The following ZNF91 variants were observed in gnomAD, a reference collection of about 807,000 sequenced individuals.
ZNF91 encodes the protein zinc finger protein 91 (HPF7, HTF10).
A neutral mutation model predicts 12.6 loss-of-function variants in ZNF91; 7 were observed. That is an observed-to-expected ratio of 0.55 (90% CI 0.31 to 1.04). The LOEUF (loss-of-function observed/expected upper bound fraction) is 1.04. Ranked by LOEUF, ZNF91 falls within the 50% of genes least tolerant of loss-of-function variation. The probability of loss-of-function intolerance (pLI) is 0.05; values close to 1 mark genes in which losing one functional copy is unlikely to be tolerated. For missense variants in ZNF91, 1,217 were observed against 1,385.4 expected, an observed-to-expected ratio of 0.88 and a Z score of 1.93; for synonymous variants, 453 against 462.6, an observed-to-expected ratio of 0.98 and a Z score of 0.27.
At chr19:23,318,581 G>T (rs571485772) in intron 1 of ZNF91, among the ~76,000 whole-genome samples, 70 of 152,238 alleles carry the variant, frequency 4.6e-4, no homozygotes, top group Non-Finnish European at 9.3e-4. Flanking sequence ...CTGCCCACAG[G>T]GGGCATTGTG....
At position 23,360,099 on chromosome 19, in the gene ZNF91, A is replaced by G. The variant is rs374370493; in HGVS notation, c.2880T>C (p.His960=). 7.4e-6 allele frequency: 12 copies of G among 1,612,720 alleles called. No individual in the cohort carries two copies. The highest frequency in any genetic ancestry group is 1.3e-5 in the African/African-American group (1 of 74,668). The change falls in exon 4 of 4, where the codon CAT becomes CAC. Residue 960 remains histidine, a synonymous_variant. Coordinates refer to ENST00000300619, the MANE Select transcript of ZNF91 (RefSeq NM_003430.4). The stretch of plus-strand genomic sequence containing the variant: ...CACATTTGTAGGGTTTCTCTCCAGT[A>G]TGAATTATCTTATGTGTAGTAAGGG... ...SSTLTTHKII[H]TGEKPYKCEE...
In ZNF91 at chr19:23,359,085, GA is replaced by G. The variant is rs945307268; in HGVS notation, c.*317del. 2.7e-5 allele frequency: 15 copies of G among 557,186 alleles called. No homozygotes were observed. The highest frequency in any genetic ancestry group is 1.5e-4 in the African/African-American group (8 of 52,644). The allele number at this position is 557,186 out of a possible 1,614,324, so 34.5% of individuals were successfully genotyped here. Reference sequence around the variant, plus strand: ...TATGTCTGGTTAGGGCTGAGGACCAGAAAAAGGATTTGCCACATTCTTCACA... The same window carrying G: ...TATGTCTGGTTAGGGCTGAGGACCAGAAAAGGATTTGCCACATTCTTCACA... On this transcript the variant is annotated 3_prime_UTR_variant, in exon 4 of 4. Coordinates refer to ENST00000300619, the MANE Select transcript of ZNF91 (RefSeq NM_003430.4).
intron 3 of ZNF91, among the ~76,000 whole-genome samples, chr19:23,363,941 A>T (rs1480248153): frequency 6.6e-6 from 1 of 152,204 alleles, no homozygotes; most frequent in Non-Finnish European, 1.5e-5. Context: ...TCACAGAAAG[A>T]TATTTATAAC....
In ZNF91 at chr19:23,351,830, C is replaced by G. The variant is rs534428949; in HGVS notation, c.254-12776G>C. On this transcript the variant is annotated intron_variant, in intron 3 of 3. Coordinates refer to the ZNF91 transcript ENST00000599743. Reference sequence around the variant, plus strand: ...CAACTGCAGAAATGGGAAAGGGAGACCCTCCTCTCCTGAACACACACCCCC... The same window carrying G: ...CAACTGCAGAAATGGGAAAGGGAGAGCCTCCTCTCCTGAACACACACCCCC... Among the ~76,000 whole-genome samples the G allele has an allele frequency of 2.0e-5, 3 of 152,218 alleles. No homozygotes were observed. The East Asian group carries it at 5.8e-4, about 29-fold the overall frequency.
intron 1 of ZNF91, chr19:23,380,260 C>T (rs1969656585): frequency 1.6e-5 from 1 of 62,284 alleles, no homozygotes; most frequent in African/African-American, 6.5e-5. Flanking sequence ...GGGGGAAAAT[C>T]CGTCTCAAAA....
At chr19:23,392,253 G>A (rs1044723186) in intron 1 of ZNF91, among the ~76,000 whole-genome samples, 1 of 151,666 alleles carries the variant, frequency 6.6e-6, no homozygotes, top group African/African-American at 2.4e-5. Flanking sequence ...CAAATTAGCC[G>A]GGCGTTGTGG....
intron 3 of ZNF91, among the ~76,000 whole-genome samples, chr19:23,369,144 T>A (rs1394313003): frequency 6.6e-6 from 1 of 152,080 alleles, no homozygotes; most frequent in Non-Finnish European, 1.5e-5. Context: ...ACCCTGTCTC[T>A]ACTAAAAATA....
At chr19:23,364,905 T>A (rs1568388824) in intron 3 of ZNF91, among the ~76,000 whole-genome samples, 1 of 149,698 alleles carries the variant, frequency 6.7e-6, no homozygotes, top group East Asian at 2.0e-4. Flanking sequence ...TGTCTTAAAT[T>A]GCATAAAGTT....
At chr19:23,339,178 G>A (rs976777971) in intron 3 of ZNF91, 1 of 151,842 alleles carries the variant, frequency 6.6e-6, no homozygotes, top group African/African-American at 2.4e-5. Context: ...AAATGGGGGG[G>A]AATATATTAA....
chr19:23,384,047 T>A (rs980928878), intron 1 of ZNF91, among the ~76,000 whole-genome samples: 1 of 152,010 alleles, frequency 6.6e-6, no homozygotes, highest in East Asian at 1.9e-4. Context: ...GAGGCAGAGG[T>A]TGCAGTTAGC....
rs367873073 is a variant in ZNF91, at chr19:23,362,728, G to GAAA, written c.254-6_254-4dup. 1.0e-5 allele frequency: 12 copies of GAAA among 1,176,036 alleles called. No individual in the cohort carries two copies. The African/African-American group carries it at 1.4e-4, about 14-fold the overall frequency. The allele number at this position is 1,176,036 out of a possible 1,614,324, so 72.9% of individuals were successfully genotyped here. A position where few individuals can be genotyped will look rare whatever the true frequency, so the allele number is the denominator to read the frequency against. On this transcript the variant is annotated splice_region_variant and splice_polypyrimidine_tract_variant and intron_variant, in intron 3 of 3. Transcript: ENST00000300619. ...TTGAGGAAAATGAGGACATATACCT[G>GAAA]AAAAAAAAAAACTAAAAATAATAAA... is the stretch of plus-strand genomic sequence containing the variant.
chr19:23,375,081 GTA>G (rs1969457219), intron 1 of ZNF91, among the ~76,000 whole-genome samples: 1 of 151,802 alleles, frequency 6.6e-6, no homozygotes, highest in South Asian at 2.1e-4. Context: ...AATGACTTGT[GTA>G]TTTTTTTCAG....
chr19:23,372,023 T>C (rs1472776851), intron 3 of ZNF91, among the ~76,000 whole-genome samples: 2 of 123,140 alleles, frequency 1.6e-5, no homozygotes, highest in Non-Finnish European at 3.3e-5. Context: ...GAATACATTA[T>C]GTTATTATTT....
At chr19:23,322,552 T>C (rs1414517997) in intron 1 of ZNF91, among the ~76,000 whole-genome samples, 1 of 152,148 alleles carries the variant, frequency 6.6e-6, no homozygotes, top group African/African-American at 2.4e-5. Context: ...ATAATCTGGA[T>C]TTTTTATCTG....
At chr19:23,313,103 C>T (rs1389741430), upstream of ZNF91, among the ~76,000 whole-genome samples, 3 of 152,146 alleles carry the variant, frequency 2.0e-5, no homozygotes, top group Non-Finnish European at 2.9e-5. Context: ...GTACTTAGAC[C>T]CAACATATAT....
At chr19:23,340,673 GGTCA>G (rs1305194737) in intron 3 of ZNF91, among the ~76,000 whole-genome samples, 6 of 151,604 alleles carry the variant, frequency 4.0e-5, no homozygotes, top group African/African-American at 1.5e-4. Flanking sequence ...GTCACTCAGA[GGTCA>G]GTATCACCCT....
intron 3 of ZNF91, among the ~76,000 whole-genome samples, chr19:23,372,848 A>G (rs1354558869): frequency 1.3e-5 from 2 of 152,182 alleles, no homozygotes; most frequent in African/African-American, 4.8e-5. Flanking sequence ...CCTCTCTTGT[A>G]CTAGATGAAA....
upstream of ZNF91, among the ~76,000 whole-genome samples, chr19:23,314,836 C>G (rs1429933366): frequency 6.6e-6 from 1 of 152,200 alleles, no homozygotes; most frequent in Non-Finnish European, 1.5e-5. Flanking sequence ...TTGCTGGGCA[C>G]AGCACCTAGG....
At chr19:23,329,725 T>C (rs1401334704) in intron 1 of ZNF91, among the ~76,000 whole-genome samples, 2 of 152,224 alleles carry the variant, frequency 1.3e-5, no homozygotes, top group East Asian at 3.9e-4. Context: ...GATTGTACTA[T>C]ATTTTTTAAT....
Sources: gnomAD v4.1 joint callset for allele counts (sites outside exome capture counted in the v4.1 genomes callset) on GRCh38, gnomAD v4.1.1 for gene constraint, MANE v1.5 for transcripts, NCBI Gene and HGNC (gene_info 2026-07-23, HGNC 2026-07-21) for gene names.